Variants in CDH12 observed in about 807,000 individuals in gnomAD.
CDH12 encodes cadherin-12.
CDH12 carries 41 observed loss-of-function variants against 74.1 expected under a neutral mutation model. The ratio of observed to expected loss-of-function variants is 0.55; its 90% CI spans 0.43 to 0.72. CDH12 has a LOEUF of 0.72. CDH12 is among the 30% of genes least tolerant of loss of function. The pLI, the probability that CDH12 is intolerant of heterozygous loss-of-function variation, is 0.00. For missense variants in CDH12, 945 were observed against 977.2 expected (o/e 0.97, Z 0.44); for synonymous variants, 399 against 355.0 (o/e 1.12, Z -1.39).
intron 2 of CDH12, among the ~76,000 whole-genome samples, chr5:22,433,036 A>T (rs1744237783): frequency 6.6e-6 from 1 of 152,100 alleles, no homozygotes; most frequent in Non-Finnish European, 1.5e-5. Context: ...AGTGATTAGA[A>T]TTCAATACAG....
intron 1 of CDH12, among the ~76,000 whole-genome samples, chr5:22,558,541 T>C (rs1467888994): frequency 6.6e-6 from 1 of 152,088 alleles, no homozygotes; most frequent in African/African-American, 2.4e-5. Flanking sequence ...TAAGAGTTAG[T>C]CTTTAAGTGG....
intron 3 of CDH12, among the ~76,000 whole-genome samples, chr5:22,309,570 C>G (rs1561301848): frequency 6.6e-6 from 1 of 152,038 alleles, no homozygotes; most frequent in African/African-American, 2.4e-5. Flanking sequence ...ATCTCACAGT[C>G]AACTGTGTGT....
At chr5:22,169,142 T>C (rs1402438756) in intron 4 of CDH12, among the ~76,000 whole-genome samples, 1 of 151,910 alleles carries the variant, frequency 6.6e-6, no homozygotes, top group African/African-American at 2.4e-5. Context: ...CTTTCTGTCC[T>C]ATTTTTGCCT....
intron 4 of CDH12, among the ~76,000 whole-genome samples, chr5:22,097,067 C>T (rs370307357): frequency 1.2e-4 from 18 of 152,308 alleles, no homozygotes; most frequent in East Asian, 5.8e-4. Flanking sequence ...ATGCCTGAAC[C>T]GCAGCTGCCA....
intron 1 of CDH12, among the ~76,000 whole-genome samples, chr5:22,625,521 G>C (rs79752098): frequency 0.066 from 10,067 of 152,244 alleles, 459 homozygotes; most frequent in Non-Finnish European, 0.1. Context: ...ATTTGGTTCA[G>C]GAAGGGTTGT....
chr5:22,614,422 T>C (rs1737578882), intron 1 of CDH12, among the ~76,000 whole-genome samples: 1 of 37,180 alleles, frequency 2.7e-5, no homozygotes. Flanking sequence ...TTTCCCTCTT[T>C]GTTGTTATCT....
chr5:22,035,785 A>T (rs1739140812), intron 5 of CDH12, among the ~76,000 whole-genome samples: 1 of 151,690 alleles, frequency 6.6e-6, no homozygotes, highest in African/African-American at 2.4e-5. Flanking sequence ...TCTGGTCTTG[A>T]TTTAACATTG....
chr5:22,495,682 T>G (rs1206956223), intron 2 of CDH12, among the ~76,000 whole-genome samples: 1 of 152,184 alleles, frequency 6.6e-6, no homozygotes. Context: ...GTGAAGTAAT[T>G]CACAGCGCAA....
intron 5 of CDH12, among the ~76,000 whole-genome samples, chr5:22,010,131 T>G (rs2150151975): frequency 6.6e-6 from 1 of 152,250 alleles, no homozygotes; most frequent in Middle Eastern, 3.4e-3. Context: ...ACTAAGTTAT[T>G]TTTAATCTTG....
intron 3 of CDH12, among the ~76,000 whole-genome samples, chr5:22,216,649 T>C (rs1212729215): frequency 6.6e-6 from 1 of 151,966 alleles, no homozygotes; most frequent in East Asian, 1.9e-4. Flanking sequence ...GTATTATACA[T>C]ATTTCTGCTT....
intron 1 of CDH12, among the ~76,000 whole-genome samples, chr5:22,788,457 C>A (rs1292777763): frequency 6.6e-6 from 1 of 150,848 alleles, no homozygotes; most frequent in Non-Finnish European, 1.5e-5. Context: ...AAAAGATTAT[C>A]ATTATTATAA....
chr5:22,809,961 A>G (rs1346490381), intron 1 of CDH12, among the ~76,000 whole-genome samples: 2 of 152,178 alleles, frequency 1.3e-5, no homozygotes, highest in East Asian at 3.8e-4. Context: ...TAAACTTTAC[A>G]CCATTGTATT....
chr5:22,418,475 ATATT>A (rs1743494382), intron 2 of CDH12, among the ~76,000 whole-genome samples: 1 of 152,100 alleles, frequency 6.6e-6, no homozygotes, highest in Admixed American at 6.5e-5. Context: ...AGAACTTCCA[ATATT>A]CTGTTGAATA....
At chr5:22,028,596 T>A (rs1229340321) in intron 5 of CDH12, among the ~76,000 whole-genome samples, 1 of 152,016 alleles carries the variant, frequency 6.6e-6, no homozygotes, top group African/African-American at 2.4e-5. Flanking sequence ...AAACCACTGC[T>A]CAATGAAATA....
intron 3 of CDH12, among the ~76,000 whole-genome samples, chr5:22,285,444 ATAAT>A (rs1201752687): frequency 1.3e-5 from 2 of 152,150 alleles, no homozygotes; most frequent in African/African-American, 2.4e-5. Flanking sequence ...TTCTCTGTAA[ATAAT>A]TGATTGATTC....
chr5:21,879,535 A>G (rs1359397524), intron 6 of CDH12, among the ~76,000 whole-genome samples: 1 of 152,232 alleles, frequency 6.6e-6, no homozygotes, highest in Non-Finnish European at 1.5e-5. Context: ...TCTAAGTGAA[A>G]GCTACGGCTC....
intron 3 of CDH12, among the ~76,000 whole-genome samples, chr5:22,316,130 G>C (rs2968251): frequency 0.99 from 150,034 of 152,166 alleles, 74,005 homozygotes; most frequent in East Asian, 1. Context: ...ACCAGTGCAT[G>C]AGCCAGAAAC....
chr5:21,916,061 C>T (rs1313027357), intron 6 of CDH12, among the ~76,000 whole-genome samples: 1 of 152,010 alleles, frequency 6.6e-6, no homozygotes, highest in Non-Finnish European at 1.5e-5. Flanking sequence ...TTTCTTATTT[C>T]TCCACCTATT....
intron 3 of CDH12, among the ~76,000 whole-genome samples, chr5:22,244,240 A>G (rs1752840011): frequency 6.6e-6 from 1 of 152,072 alleles, no homozygotes; most frequent in Non-Finnish European, 1.5e-5. Context: ...CTGTAATCCC[A>G]ACACTTTGGG....
Sources: gnomAD v4.1 joint callset for allele counts (sites outside exome capture counted in the v4.1 genomes callset) on GRCh38, gnomAD v4.1.1 for gene constraint, MANE v1.5 for transcripts, NCBI Gene and HGNC (gene_info 2026-07-23, HGNC 2026-07-21) for gene names.